ARHGAP15: variants seen among roughly 807,000 people sequenced by gnomAD.
ARHGAP15 encodes Rho GTPase activating protein 15.
A neutral mutation model predicts 63.7 loss-of-function variants in ARHGAP15; 51 were observed. The ratio of observed to expected loss-of-function variants is 0.80; its 90% confidence interval spans 0.64 to 1.01. The LOEUF (loss-of-function observed/expected upper bound fraction) is 1.01, where lower values mean the gene tolerates loss of function less well. ARHGAP15 is among the 50% of genes least tolerant of loss of function. The pLI is 0.00. For missense variants in ARHGAP15, 560 were observed against 564.6 expected, an observed-to-expected ratio of 0.99 and a Z score of 0.08; for synonymous variants, 191 against 193.8, an observed-to-expected ratio of 0.99 and a Z score of 0.12.
chr2:143,587,649 G>T (rs913106723), intron 11 of ARHGAP15: 16 of 455,422 alleles, frequency 3.5e-5, no homozygotes, highest in Non-Finnish European at 5.9e-5. Context: ...AATGAAGGAT[G>T]AGGACCTTCC....
intron 12 of ARHGAP15, among the ~76,000 whole-genome samples, chr2:143,663,384 C>T (rs1681943801): frequency 6.7e-6 from 1 of 149,154 alleles, no homozygotes; most frequent in African/African-American, 2.5e-5. Context: ...TTGTCACCAC[C>T]AGGCCTGCCC....
chr2:143,413,185 T>G (rs1688519447), intron 6 of ARHGAP15, among the ~76,000 whole-genome samples: 1 of 152,204 alleles, frequency 6.6e-6, no homozygotes, highest in African/African-American at 2.4e-5. Context: ...ATCTGGAGGA[T>G]GATATTTTAT....
At chr2:143,371,319 GAGA>G (rs201365121) in intron 6 of ARHGAP15, among the ~76,000 whole-genome samples, 2,450 of 152,216 alleles carry the variant, frequency 0.016, 38 homozygotes, top group South Asian at 0.1. Flanking sequence ...GAAGTATAAT[GAGA>G]AGGACAAATT....
chr2:143,201,863 C>T (rs1344310027), intron 2 of ARHGAP15, among the ~76,000 whole-genome samples: 2 of 152,070 alleles, frequency 1.3e-5, no homozygotes, highest in East Asian at 1.9e-4. Flanking sequence ...TGCCCAGGTT[C>T]ACATGAGAGA....
At chr2:143,537,201 C>T (rs1227086967) in intron 10 of ARHGAP15, among the ~76,000 whole-genome samples, 1 of 152,108 alleles carries the variant, frequency 6.6e-6, no homozygotes, top group Non-Finnish European at 1.5e-5. Flanking sequence ...TGTTCATATC[C>T]TTTGCCCACT....
intron 9 of ARHGAP15, among the ~76,000 whole-genome samples, chr2:143,499,082 C>A (rs1692941091): frequency 6.6e-6 from 1 of 152,154 alleles, no homozygotes; most frequent in Non-Finnish European, 1.5e-5. Context: ...AGCTTGAGAA[C>A]CACCCTATTG....
intron 2 of ARHGAP15, among the ~76,000 whole-genome samples, chr2:143,160,352 C>CTA (rs1390340647): frequency 6.6e-6 from 1 of 151,892 alleles, no homozygotes; most frequent in Non-Finnish European, 1.5e-5. Flanking sequence ...CTTTATTGGA[C>CTA]TATTGTGGAT....
At chr2:143,628,598 C>T (rs1445181843) in intron 12 of ARHGAP15, among the ~76,000 whole-genome samples, 2 of 152,176 alleles carry the variant, frequency 1.3e-5, no homozygotes, top group African/African-American at 4.8e-5. Context: ...TTTGACCAGA[C>T]AGGGCCCATC....
At chr2:143,643,559 C>T (rs559136278) in intron 12 of ARHGAP15, among the ~76,000 whole-genome samples, 22 of 151,864 alleles carry the variant, frequency 1.4e-4, no homozygotes, top group African/African-American at 5.3e-4. Flanking sequence ...TTTATGATAA[C>T]CAGTGAATAT....
At chr2:143,421,440 A>G (rs932071290) in intron 6 of ARHGAP15, among the ~76,000 whole-genome samples, 1 of 151,990 alleles carries the variant, frequency 6.6e-6, no homozygotes, top group Admixed American at 6.6e-5. Context: ...AAGAAGGGGA[A>G]GGGAAGGAGG....
chr2:143,615,003 A>G (rs1221673954), intron 11 of ARHGAP15, among the ~76,000 whole-genome samples: 1 of 152,192 alleles, frequency 6.6e-6, no homozygotes, highest in Non-Finnish European at 1.5e-5. Flanking sequence ...ACCTTACTTT[A>G]TGCAAGTAGT....
At chr2:143,591,647 T>A (rs1422280192) in intron 11 of ARHGAP15, among the ~76,000 whole-genome samples, 1 of 148,520 alleles carries the variant, frequency 6.7e-6, no homozygotes, top group Non-Finnish European at 1.5e-5. Context: ...TTAGAGAAAG[T>A]CTTGCTCTTG....
chr2:143,664,432 A>G (rs1399633952), intron 12 of ARHGAP15, among the ~76,000 whole-genome samples: 25 of 152,100 alleles, frequency 1.6e-4, no homozygotes, highest in African/African-American at 6.0e-4. Context: ...GTAGAGGGAA[A>G]TTTATAGCAC....
intron 3 of ARHGAP15, among the ~76,000 whole-genome samples, chr2:143,205,584 G>A (rs1411667062): frequency 6.6e-6 from 1 of 152,070 alleles, no homozygotes; most frequent in Non-Finnish European, 1.5e-5. Context: ...GTGATACACA[G>A]GTCTATGCTT....
At chr2:143,435,144 GTAAA>G in intron 6 of ARHGAP15, 3 of 464,336 alleles carry the variant, frequency 6.5e-6, no homozygotes, top group Non-Finnish European at 8.5e-6. Context: ...AGTGTTTTTG[GTAAA>G]TAAACTGTTT....
chr2:143,179,984 GC>G (rs149885431), intron 2 of ARHGAP15, among the ~76,000 whole-genome samples: 2,774 of 152,118 alleles, frequency 0.018, 107 homozygotes, highest in African/African-American at 0.064. Context: ...TATCCTTTTT[GC>G]TGGTGGAAGG....
intron 13 of ARHGAP15, among the ~76,000 whole-genome samples, chr2:143,756,343 T>C (rs1686575838): frequency 6.6e-6 from 1 of 152,188 alleles, no homozygotes. Context: ...TGCACAACAC[T>C]CAAAGTTCTG....
chr2:143,568,478 C>G (rs1222988784), intron 11 of ARHGAP15, among the ~76,000 whole-genome samples: 1 of 152,186 alleles, frequency 6.6e-6, no homozygotes, highest in Non-Finnish European at 1.5e-5. Context: ...CATCTCACAC[C>G]AGTTAGAATG....
At chr2:143,760,721 G>A (rs535262542) in intron 13 of ARHGAP15, among the ~76,000 whole-genome samples, 37 of 152,136 alleles carry the variant, frequency 2.4e-4, no homozygotes, top group African/African-American at 8.7e-4. Context: ...TTGCTATAAT[G>A]TACTAAGAAT....
Sources: allele counts gnomAD v4.1 joint callset (sites outside exome capture counted in the v4.1 genomes callset), GRCh38; gene constraint gnomAD v4.1.1; transcripts MANE v1.5; gene names NCBI Gene and HGNC (gene_info 2026-07-23, HGNC 2026-07-21).